The following THTPA variants were observed in gnomAD, a reference collection of about 807,000 sequenced individuals.
The protein encoded by THTPA is thiamine triphosphatase, also known as thiamine-triphosphatase.
In THTPA, 16 loss-of-function variants were observed where a neutral mutation model predicts 16.5. The ratio of observed to expected loss-of-function variants is 0.97; its 90% CI spans 0.66 to 1.47. THTPA has a LOEUF of 1.47. Among genes scored for constraint, THTPA ranks in the 40% most tolerant of loss-of-function variants. The pLI is 0.00. For missense variants in THTPA, 281 were observed against 280.9 expected (o/e 1.00, Z 0.00); for synonymous variants, 110 against 115.5 (o/e 0.95, Z 0.30).
the THTPA span, among the ~76,000 whole-genome samples, chr14:23,538,835 G>A: frequency 5.9e-5 from 9 of 152,126 alleles, no homozygotes; most frequent in Non-Finnish European, 1.3e-4. Flanking sequence ...AGGGGTTAGG[G>A]GAGACAGAGC....
chr14:23,525,915 G>A, the THTPA span: 2 of 1,472,728 alleles, frequency 1.4e-6, no homozygotes, highest in Non-Finnish European at 9.0e-7. This position sits in a 1 kb window ranked among gnomAD's most constrained non-coding sequence, Gnocchi z 5.9. Context: ...GGCAGGACTG[G>A]TGGGGTGAAG....
chr14:23,544,868 A>C, the THTPA span, among the ~76,000 whole-genome samples: 1 of 148,016 alleles, frequency 6.8e-6, no homozygotes, highest in Non-Finnish European at 1.5e-5. Context: ...TCCTTCTCCC[A>C]CCTTTTTTTT....
the THTPA span, chr14:23,526,009 A>G: frequency 6.5e-7 from 1 of 1,533,752 alleles, no homozygotes; most frequent in Non-Finnish European, 8.7e-7. Flanking sequence ...CACTGGTGTC[A>G]GGGCCCTTCT....
chr14:23,521,987 G>A, the THTPA span: 1 of 1,536,390 alleles, frequency 6.5e-7, no homozygotes, highest in South Asian at 1.2e-5. Context: ...TGTAGAGGTA[G>A]TCGTAGTTTT....
At chr14:23,534,068 G>A in the THTPA span, 12 of 1,524,312 alleles carry the variant, frequency 7.9e-6, no homozygotes, top group East Asian at 2.0e-4. This position sits in a 1 kb window ranked among gnomAD's most constrained non-coding sequence, Gnocchi z 4.5. Flanking sequence ...TCAGCTAGGC[G>A]ATAGGGCTGG....
In THTPA at chr14:23,560,093, C is replaced by G; in HGVS notation, c.*1253C>G. On this transcript the variant is annotated 3_prime_UTR_variant, in exon 2 of 2. Coordinates refer to ENST00000288014, the MANE Select transcript of THTPA (RefSeq NM_024328.6). ...GGCAGTAGGTAGGGCTCAGGCAGCC[C>G]CTCTATACTCAGTGGCTCCACACCC... The G allele has an allele frequency of 7.1e-7, 1 of 1,412,368 alleles. No individual in the cohort carries two copies. The allele number at this position is 1,412,368 out of a possible 1,614,324, so 87.5% of individuals were successfully genotyped here. A position where few individuals can be genotyped will look rare whatever the true frequency, so the allele number is the denominator to read the frequency against.
chr14:23,526,397 T>G, the THTPA span: 1 of 1,536,300 alleles, frequency 6.5e-7, no homozygotes, highest in Non-Finnish European at 8.7e-7. Flanking sequence ...GAGAAACTTG[T>G]CCAGGGCAAA....
the THTPA span, among the ~76,000 whole-genome samples, chr14:23,520,527 A>G: frequency 6.6e-6 from 1 of 152,128 alleles, no homozygotes; most frequent in African/African-American, 2.4e-5. The surrounding 1 kb of genome is among the most constrained non-coding windows in gnomAD (Gnocchi z 8.7). Flanking sequence ...CTGCCAAGAT[A>G]CTTTTGGTGA....
At chr14:23,532,742 C>A in the THTPA span, 6 of 1,536,086 alleles carry the variant, frequency 3.9e-6, no homozygotes, top group African/African-American at 2.7e-5. Context: ...GGCTCCACCC[C>A]CCTCCCGCAG....
the THTPA span, among the ~76,000 whole-genome samples, chr14:23,517,459 A>G: frequency 6.6e-6 from 1 of 152,194 alleles, no homozygotes; most frequent in Non-Finnish European, 1.5e-5. Context: ...CTCAGTATAA[A>G]GGCATTTCTT....
At chr14:23,552,018 G>A (rs1187676077), upstream of THTPA, among the ~76,000 whole-genome samples, 3 of 152,170 alleles carry the variant, frequency 2.0e-5, no homozygotes, top group African/African-American at 7.2e-5. Flanking sequence ...CCATACATGT[G>A]TTTTGTTGTT....
chr14:23,539,559 C>T, the THTPA span, among the ~76,000 whole-genome samples: 14 of 152,280 alleles, frequency 9.2e-5, no homozygotes, highest in East Asian at 1.5e-3. Flanking sequence ...TTACAAGAGA[C>T]AAAGGGCATG....
At chr14:23,515,276 T>C in the THTPA span, among the ~76,000 whole-genome samples, 4 of 152,190 alleles carry the variant, frequency 2.6e-5, no homozygotes, top group Admixed American at 2.6e-4. Context: ...TGTGATTTGC[T>C]GAGCTGTGGT....
Position 23,559,163 on chromosome 14 carries a change from C to T in THTPA, c.*323C>T. 2 of 291,718 alleles carry T rather than the reference C, an allele frequency of 6.9e-6. No individual in the cohort carries two copies. The highest frequency in any genetic ancestry group is 1.3e-5 in the Non-Finnish European group (2 of 153,782). The allele number at this position is 291,718 out of a possible 1,614,324, so 18.1% of individuals were successfully genotyped here. On this transcript the variant is annotated 3_prime_UTR_variant, in exon 2 of 2. Transcript: ENST00000288014. ...AGGAAAATCCCTTGCCACCCCCCCT[C>T]CCTTGGTCGATGCCATTGATTCTGC...
At chr14:23,541,556 G>A in the THTPA span, among the ~76,000 whole-genome samples, 1 of 152,080 alleles carries the variant, frequency 6.6e-6, no homozygotes, top group Non-Finnish European at 1.5e-5. Flanking sequence ...CAAAGTGCTG[G>A]GATTACAGGC....
Position 23,556,650 on chromosome 14 carries a change from GT to G in THTPA, c.-103del. 1 of 1,241,848 alleles carries G rather than the reference GT, an allele frequency of 8.1e-7. No homozygotes were observed. The highest frequency in any genetic ancestry group is 2.7e-5 in the Admixed American group (1 of 37,022). The allele number at this position is 1,241,848 out of a possible 1,614,324, so 76.9% of individuals were successfully genotyped here. On this transcript the variant is annotated 5_prime_UTR_variant, in exon 1 of 2. Coordinates refer to ENST00000288014, the MANE Select transcript of THTPA (RefSeq NM_024328.6). The stretch of plus-strand genomic sequence containing the variant: ...TTGCGACACAGTGTGCCCCTCATAA[GT>G]TTTTCCAGGGAGGGGTTCTGTACTG...
chr14:23,513,608 A>T, the THTPA span: 1 of 152,660 alleles, frequency 6.6e-6, no homozygotes, highest in East Asian at 1.9e-4. Context: ...GCCTGCTTAC[A>T]GGCATTGGCA....
chr14:23,547,064 C>T, the THTPA span, among the ~76,000 whole-genome samples: 2 of 152,208 alleles, frequency 1.3e-5, no homozygotes, highest in Admixed American at 6.5e-5. Context: ...TGTATTTAGA[C>T]CTCCTCTTTC....
At chr14:23,551,077 A>C (rs1476615021), upstream of THTPA, among the ~76,000 whole-genome samples, 118 of 108,810 alleles carry the variant, frequency 1.1e-3, no homozygotes, top group Non-Finnish European at 1.1e-3. The surrounding 1 kb of genome is among the most constrained non-coding windows in gnomAD (Gnocchi z 5.3). Context: ...TTCTCCCTCC[A>C]CCCCCGCATC....
Sources: gnomAD v4.1 joint callset for allele counts (sites outside exome capture counted in the v4.1 genomes callset) on GRCh38, gnomAD v4.1.1 for gene constraint, Gnocchi (gnomAD v3.1) non-coding constraint, MANE v1.5 for transcripts, NCBI Gene and HGNC (gene_info 2026-07-23, HGNC 2026-07-21) for gene names.